Variants in PDLIM4 observed in about 807,000 individuals in gnomAD.
PDLIM4 encodes PDZ and LIM domain protein 4.
In PDLIM4, 19 loss-of-function variants were observed where a neutral mutation model predicts 31.3. The ratio of observed to expected loss-of-function variants is 0.61; its 90% CI spans 0.42 to 0.89. The LOEUF (loss-of-function observed/expected upper bound fraction) is 0.89, where lower values mean the gene tolerates loss of function less well. PDLIM4 is among the 40% of genes least tolerant of loss of function. The pLI is 0.00. For missense variants in PDLIM4, 442 were observed against 461.1 expected (o/e 0.96, Z 0.38); for synonymous variants, 176 against 190.1 (o/e 0.93, Z 0.61).
rs1478360207 is a variant in PDLIM4, at chr5:132,262,012, G to A, written c.94-597G>A. 2.6e-5 allele frequency among the ~76,000 whole-genome samples: 4 copies of A among 152,320 alleles called. No individual in the cohort carries two copies. The East Asian group carries it at 5.8e-4, about 22-fold the overall frequency. ...GAAGGATGAGGATGTGGGAGTCAAA[G>A]GAATGTTCCAGGTGGAGGGAGCAGC... On this transcript the variant is annotated intron_variant, in intron 1 of 6. Coordinates refer to ENST00000253754, the MANE Select transcript of PDLIM4 (RefSeq NM_003687.4).
At position 132,257,829 on chromosome 5, in the gene PDLIM4, T is replaced by C; in HGVS notation, c.93+2T>C. 1.3e-6 allele frequency: 2 copies of C among 1,482,236 alleles called. No individual in the cohort carries two copies. Among genetic ancestry groups the C allele is most frequent in the Non-Finnish European group, 1.8e-6 (2 of 1,115,926 alleles). 91.8% of individuals were successfully genotyped at this position (1,482,236 alleles called of 1,614,324 possible). On this transcript the variant is annotated splice_donor_variant, in intron 1 of 6. Transcript: ENST00000253754. LOFTEE classifies it high-confidence loss of function. The surrounding 1 kb of genome is among the most constrained non-coding windows in gnomAD (Gnocchi z 4.3). ...AGCGCGCCCCTCACCATCTCACGGGTGAGTCTGGCGGCTGCGTGGCGGCAG... is the reference window on the plus strand; with the variant it reads ...AGCGCGCCCCTCACCATCTCACGGGCGAGTCTGGCGGCTGCGTGGCGGCAG...
chr5:132,269,476 A>G (rs1756558788), intron 3 of PDLIM4, among the ~76,000 whole-genome samples: 1 of 151,130 alleles, frequency 6.6e-6, no homozygotes, highest in African/African-American at 2.4e-5. Flanking sequence ...TGATGTGGAT[A>G]GGGGTTTTCC....
chr5:132,265,901 C>A (rs1240991708), intron 2 of PDLIM4, among the ~76,000 whole-genome samples: 1 of 152,182 alleles, frequency 6.6e-6, no homozygotes, highest in East Asian at 1.9e-4. Context: ...TATGGCGAAG[C>A]AGGAATTTCC....
At position 132,273,277 on chromosome 5, in the gene PDLIM4, G is replaced by A. The variant is rs1003867703; in HGVS notation, c.*1048G>A. The A allele has an allele frequency of 5.9e-5, 9 of 152,236 alleles. No individual in the cohort carries two copies. In the South Asian group the frequency reaches 1.0e-3, roughly 17 times the overall value. The allele number at this position is 152,236 out of a possible 1,614,324, so 9.4% of individuals were successfully genotyped here. ...GCCTATTTAGCGAGCCCAGAGTAACGTACATTTGTGCTGTTTTCAATTTTG... is the reference window on the plus strand; with the variant it reads ...GCCTATTTAGCGAGCCCAGAGTAACATACATTTGTGCTGTTTTCAATTTTG... On this transcript the variant is annotated 3_prime_UTR_variant, in exon 7 of 7. Transcript: ENST00000253754.
chr5:132,266,413 C>A, intron 2 of PDLIM4, 51 bp from the exon 3 acceptor site: 1 of 1,272,268 alleles, frequency 7.9e-7, no homozygotes, highest in Non-Finnish European at 1.1e-6. Context: ...GGCTCCCAGG[C>A]ATGGTGGGCG....
chr5:132,260,066 C>T (rs1478970850), intron 1 of PDLIM4, among the ~76,000 whole-genome samples: 1 of 152,194 alleles, frequency 6.6e-6, no homozygotes, highest in Non-Finnish European at 1.5e-5. Flanking sequence ...GAGACCCAGG[C>T]ACAGAGAGGC....
At chr5:132,258,700 C>A (rs1213578412) in intron 1 of PDLIM4, among the ~76,000 whole-genome samples, 1 of 152,204 alleles carries the variant, frequency 6.6e-6, no homozygotes. Context: ...CTTGGGGGTC[C>A]CCAGCCTAAG....
At chr5:132,258,722 G>C (rs1262350854) in intron 1 of PDLIM4, among the ~76,000 whole-genome samples, 1 of 152,252 alleles carries the variant, frequency 6.6e-6, no homozygotes, top group East Asian at 1.9e-4. Flanking sequence ...GACAGAAGAG[G>C]AGAGAACCCA....
At chr5:132,268,634 G>C (rs1756541966) in intron 3 of PDLIM4, among the ~76,000 whole-genome samples, 1 of 152,184 alleles carries the variant, frequency 6.6e-6, no homozygotes, top group Non-Finnish European at 1.5e-5. Flanking sequence ...GGAAGGAGTG[G>C]CAATTATGCT....
intron 2 of PDLIM4, among the ~76,000 whole-genome samples, chr5:132,264,923 C>A (rs1029300537): frequency 6.6e-6 from 1 of 152,152 alleles, no homozygotes; most frequent in African/African-American, 2.4e-5. Context: ...CCAACTCCCC[C>A]ACAGAATGAA....
chr5:132,270,302 T>C (rs1033682088), intron 3 of PDLIM4: 7 of 152,416 alleles, frequency 4.6e-5, no homozygotes, highest in African/African-American at 9.7e-5. Flanking sequence ...AGGCTACTCA[T>C]TGTGGCCTGG....
chr5:132,271,519 AG>A, intron 5 of PDLIM4, 53 bp downstream of exon 5: 1 of 1,581,868 alleles, frequency 6.3e-7, no homozygotes, highest in South Asian at 1.1e-5. Flanking sequence ...TGCAGTGCCC[AG>A]GTTGCCCCCT....
At chr5:132,259,501 C>T (rs570308221) in intron 1 of PDLIM4, among the ~76,000 whole-genome samples, 10 of 152,276 alleles carry the variant, frequency 6.6e-5, no homozygotes, top group East Asian at 3.9e-4. Context: ...CAAAGTCACG[C>T]GGCAGCAGCT....
In PDLIM4 at chr5:132,265,539, G is replaced by A. The variant is rs150663071; in HGVS notation, c.246-925G>A. On this transcript the variant is annotated intron_variant, in intron 2 of 6. Coordinates refer to ENST00000253754, the MANE Select transcript of PDLIM4 (RefSeq NM_003687.4). ...AAGGGACTAAGGAATGGGCAGAGGC[G>A]AGGAAGTGCAGAGTGAGTATGGACC... 3.1e-3 allele frequency among the ~76,000 whole-genome samples: 470 copies of A among 152,322 alleles called. 2 individuals carry two copies. The highest frequency in any genetic ancestry group is 6.8e-3 in the Middle Eastern group (2 of 294).
At chr5:132,259,168 T>TGTGTGTGTGTGTGTAC (rs199528321) in intron 1 of PDLIM4, among the ~76,000 whole-genome samples, 1 of 144,476 alleles carries the variant, frequency 6.9e-6, no homozygotes, top group East Asian at 2.2e-4. Context: ...TGTGTGTGTG[T>TGTGTGTGTGTGTGTAC]ACGCAAGCCT....
At chr5:132,265,190 A>G (rs555665739) in intron 2 of PDLIM4, among the ~76,000 whole-genome samples, 25 of 152,162 alleles carry the variant, frequency 1.6e-4, no homozygotes, top group Non-Finnish European at 2.9e-4. Context: ...GGGTTGACAC[A>G]TGATTAAGCC....
intron 3 of PDLIM4, among the ~76,000 whole-genome samples, chr5:132,269,986 GT>G (rs1232328880): frequency 1.3e-5 from 2 of 152,112 alleles, no homozygotes; most frequent in Non-Finnish European, 2.9e-5. Context: ...TTATGTGTGT[GT>G]GTGTGTCTTT....
At position 132,272,014 on chromosome 5, in the gene PDLIM4, C is replaced by T. The variant is rs775905084; in HGVS notation, c.789-11C>T. On this transcript the variant is annotated splice_polypyrimidine_tract_variant and intron_variant, in intron 6 of 6. Coordinates refer to ENST00000253754, the MANE Select transcript of PDLIM4 (RefSeq NM_003687.4). ...TCACTCGACGCTGTCCTGTCTCGTT[C>T]CCCCCATCAGGGGCACCATCGTCAA... 4 of 1,612,240 alleles carry T rather than the reference C, an allele frequency of 2.5e-6. No homozygotes were observed. Among genetic ancestry groups the T allele is most frequent in the Non-Finnish European group, 3.4e-6 (4 of 1,178,406 alleles).
intron 2 of PDLIM4, among the ~76,000 whole-genome samples, chr5:132,264,622 A>T (rs1361112549): frequency 2.6e-5 from 4 of 151,888 alleles, no homozygotes; most frequent in Non-Finnish European, 2.9e-5. Flanking sequence ...GGATCAAGAC[A>T]TGAGGGCCAC....
Sources: allele counts gnomAD v4.1 joint callset (sites outside exome capture counted in the v4.1 genomes callset), GRCh38; gene constraint gnomAD v4.1.1; non-coding constraint Gnocchi (gnomAD v3.1); transcripts MANE v1.5; gene names NCBI Gene and HGNC (gene_info 2026-07-23, HGNC 2026-07-21).